GPC6: variants seen among roughly 807,000 people sequenced by gnomAD.
The protein encoded by GPC6 is glypican 6.
A neutral mutation model predicts 55.2 loss-of-function variants in GPC6; 14 were observed. The observed-to-expected ratio is 0.25, with a 90% CI of 0.17 to 0.40. The LOEUF is 0.40. Among genes scored for constraint, GPC6 ranks in the 10% least tolerant of loss-of-function variants. GPC6 has a pLI of 1.00. For missense variants in GPC6, 641 were observed against 708.5 expected (o/e 0.90, Z 1.08); for synonymous variants, 278 against 259.6 (o/e 1.07, Z -0.68).
chr13:93,258,668 A>G (rs898811587), intron 1 of GPC6, among the ~76,000 whole-genome samples: 21 of 152,052 alleles, frequency 1.4e-4, no homozygotes, highest in African/African-American at 5.1e-4. Context: ...GGTGGGTACA[A>G]TGGCTCATGC....
Position 94,407,855 on chromosome 13 carries a change from T to C in GPC6, c.*4638T>C, listed in dbSNP as rs1211494302. On this transcript the variant is annotated 3_prime_UTR_variant, in exon 9 of 9. Coordinates refer to ENST00000377047, the MANE Select transcript of GPC6 (RefSeq NM_005708.5). ...TAAAGATTTATTTCACAAATGCTTA[T>C]TGAACTCTTATTCTCTATAAACCCT... Among the ~76,000 whole-genome samples, 3 of 152,216 alleles carry C rather than the reference T, an allele frequency of 2.0e-5. No homozygotes were observed. Among genetic ancestry groups the C allele is most frequent in the South Asian group, 2.1e-4 (1 of 4,832 alleles).
intron 2 of GPC6, among the ~76,000 whole-genome samples, chr13:93,824,515 C>A (rs901360960): frequency 1.3e-5 from 2 of 151,906 alleles, no homozygotes; most frequent in African/African-American, 2.4e-5. Context: ...CATTAAGCCA[C>A]GCAAAGAATG....
intron 3 of GPC6, among the ~76,000 whole-genome samples, chr13:93,987,595 A>G (rs1398153999): frequency 6.6e-6 from 1 of 152,180 alleles, no homozygotes; most frequent in African/African-American, 2.4e-5. Context: ...TTGATCATTT[A>G]GATGACATAA....
At chr13:93,451,856 T>C (rs1445275) in intron 1 of GPC6, among the ~76,000 whole-genome samples, 24,247 of 152,162 alleles carry the variant, frequency 0.16, 2,522 homozygotes, top group East Asian at 0.47. Context: ...CGTTAATGCA[T>C]TTAATTACTA....
chr13:93,676,121 AAAAAAATAT>A (rs1881594015), intron 2 of GPC6, among the ~76,000 whole-genome samples: 1 of 11,982 alleles, frequency 8.3e-5, no homozygotes, highest in Non-Finnish European at 2.5e-4. Context: ...AAAAAAAAAA[AAAAAAATAT>A]ATATATATAT....
intron 1 of GPC6, among the ~76,000 whole-genome samples, chr13:93,366,181 T>C (rs1881240852): frequency 6.6e-6 from 1 of 152,220 alleles, no homozygotes; most frequent in African/African-American, 2.4e-5. Context: ...CATTCTTTAG[T>C]AGGGCATTGT....
intron 2 of GPC6, among the ~76,000 whole-genome samples, chr13:93,560,682 C>T (rs1875734306): frequency 1.3e-5 from 2 of 151,340 alleles, no homozygotes; most frequent in South Asian, 2.1e-4. Flanking sequence ...TGTGAAACCG[C>T]GTCTGTACTA....
At chr13:94,314,701 G>T (rs912874348) in intron 6 of GPC6, among the ~76,000 whole-genome samples, 1 of 152,166 alleles carries the variant, frequency 6.6e-6, no homozygotes, top group African/African-American at 2.4e-5. Context: ...TCTCTTAGCT[G>T]TCTGAGATAT....
intron 4 of GPC6, among the ~76,000 whole-genome samples, chr13:94,090,479 A>G (rs1885440011): frequency 6.6e-6 from 1 of 152,146 alleles, no homozygotes; most frequent in Non-Finnish European, 1.5e-5. Flanking sequence ...ATGTTAATAT[A>G]TAATAGCTCA....
At chr13:93,249,926 T>C (rs901901176) in intron 1 of GPC6, among the ~76,000 whole-genome samples, 2 of 152,216 alleles carry the variant, frequency 1.3e-5, no homozygotes, top group Non-Finnish European at 2.9e-5. Flanking sequence ...CTGTGTAGTT[T>C]TCCGCAGGAG....
At chr13:93,792,069 CT>C (rs1886056569) in intron 2 of GPC6, among the ~76,000 whole-genome samples, 2 of 152,232 alleles carry the variant, frequency 1.3e-5, no homozygotes, top group Admixed American at 1.3e-4. Context: ...AAAATAATTC[CT>C]TTCATTCTTA....
chr13:94,362,217 G>A (rs1023224936), intron 6 of GPC6, among the ~76,000 whole-genome samples: 3 of 152,038 alleles, frequency 2.0e-5, no homozygotes, highest in African/African-American at 7.2e-5. Flanking sequence ...AGGACCTATC[G>A]GGGGAAATTT....
chr13:93,868,365 A>G (rs751132146), intron 3 of GPC6, among the ~76,000 whole-genome samples: 1 of 151,772 alleles, frequency 6.6e-6, no homozygotes, highest in Non-Finnish European at 1.5e-5. Flanking sequence ...ATATCTCCTT[A>G]TGCTTCTTTT....
intron 1 of GPC6, among the ~76,000 whole-genome samples, chr13:93,262,937 G>A (rs1011177735): frequency 6.6e-6 from 1 of 152,156 alleles, no homozygotes; most frequent in Admixed American, 6.5e-5. Context: ...TTAAGAAAAG[G>A]GAGTGGAGGC....
intron 4 of GPC6, among the ~76,000 whole-genome samples, chr13:94,037,634 G>T (rs1001620499): frequency 6.6e-6 from 1 of 151,920 alleles, no homozygotes; most frequent in Admixed American, 6.6e-5. Flanking sequence ...TGGGAAAACT[G>T]AAACCAGAGA....
chr13:94,040,720 T>C (rs1883501532), intron 4 of GPC6, among the ~76,000 whole-genome samples: 1 of 151,830 alleles, frequency 6.6e-6, no homozygotes, highest in African/African-American at 2.4e-5. Context: ...CATTCAGTCT[T>C]CCAGTTTCTT....
intron 1 of GPC6, among the ~76,000 whole-genome samples, chr13:93,497,155 A>AT (rs200122153): frequency 3.7e-3 from 561 of 152,248 alleles, no homozygotes; most frequent in Admixed American, 8.2e-3. Context: ...AAAAATCTAG[A>AT]TTTTTTTCCT....
At chr13:94,173,538 C>A (rs1037779286) in intron 4 of GPC6, among the ~76,000 whole-genome samples, 1 of 152,114 alleles carries the variant, frequency 6.6e-6, no homozygotes, top group Non-Finnish European at 1.5e-5. Flanking sequence ...GGAGCACTTA[C>A]AAGTGTTTTC....
At chr13:93,442,792 G>GTA (rs942170319) in intron 1 of GPC6, among the ~76,000 whole-genome samples, 1 of 151,890 alleles carries the variant, frequency 6.6e-6, no homozygotes, top group African/African-American at 2.4e-5. Context: ...CCTGCTAAGT[G>GTA]TATATATATA....
Sources: allele counts gnomAD v4.1 joint callset (sites outside exome capture counted in the v4.1 genomes callset), GRCh38; gene constraint gnomAD v4.1.1; transcripts MANE v1.5; gene names NCBI Gene and HGNC (gene_info 2026-07-23, HGNC 2026-07-21).